The following EFCAB11 variants were observed in gnomAD, a reference collection of about 807,000 sequenced individuals.
EFCAB11 encodes the protein EF-hand calcium-binding domain-containing protein 11.
A neutral mutation model predicts 23.0 loss-of-function variants in EFCAB11; 14 were observed. The ratio of observed to expected loss-of-function variants is 0.61; its 90% CI spans 0.40 to 0.95. The LOEUF (loss-of-function observed/expected upper bound fraction) is 0.95. Among genes scored for constraint, EFCAB11 ranks in the 40% least tolerant of loss-of-function variants. EFCAB11 has a pLI of 0.00. For missense variants in EFCAB11, 198 were observed against 195.8 expected, an observed-to-expected ratio of 1.01 and a Z score of -0.07; for synonymous variants, 65 against 66.6, an observed-to-expected ratio of 0.98 and a Z score of 0.11.
At chr14:89,853,420 T>C (rs189706232) in intron 5 of EFCAB11, among the ~76,000 whole-genome samples, 2 of 152,368 alleles carry the variant, frequency 1.3e-5, no homozygotes, top group African/African-American at 2.4e-5. Flanking sequence ...GCTATGCATG[T>C]AACTTGCATT....
chr14:89,869,713 C>A lies in EFCAB11; in HGVS notation c.410+61828G>T, dbSNP rs531219439. On this transcript the variant is annotated intron_variant, in intron 5 of 5. Coordinates refer to ENST00000316738, the MANE Select transcript of EFCAB11 (RefSeq NM_145231.4). ...GGGTTGCTGTGAAGAGTAAATAAAG[C>A]AAAGCACAGAAAGCATTTGGTCTAC... Among the ~76,000 whole-genome samples, 10 of 152,290 alleles carry A rather than the reference C, an allele frequency of 6.6e-5. No homozygotes were observed. The South Asian group carries it at 1.2e-3, about 19-fold the overall frequency.
intron 5 of EFCAB11, among the ~76,000 whole-genome samples, chr14:89,902,694 A>G (rs1207377430): frequency 6.6e-6 from 1 of 152,212 alleles, no homozygotes; most frequent in Admixed American, 6.5e-5. Context: ...GATATTAGAG[A>G]GAGTTGATAC....
intron 5 of EFCAB11, among the ~76,000 whole-genome samples, chr14:89,876,270 AGAG>A (rs1888435115): frequency 6.6e-6 from 1 of 152,172 alleles, no homozygotes; most frequent in South Asian, 2.1e-4. Context: ...AGGGAGAAAA[AGAG>A]GAGGAGGAGG....
intron 3 of EFCAB11, among the ~76,000 whole-genome samples, chr14:89,936,293 G>C (rs1890579817): frequency 6.6e-6 from 1 of 152,206 alleles, no homozygotes; most frequent in Admixed American, 6.5e-5. Context: ...AAGGACCTGA[G>C]TGGTGATATC....
At chr14:89,822,919 C>A (rs1886572433) in intron 5 of EFCAB11, among the ~76,000 whole-genome samples, 1 of 152,112 alleles carries the variant, frequency 6.6e-6, no homozygotes, top group Non-Finnish European at 1.5e-5. Context: ...TTAGAACCTG[C>A]CAGAATACAT....
chr14:89,798,596 A>G (rs759849866), intron 5 of EFCAB11, among the ~76,000 whole-genome samples: 9 of 152,222 alleles, frequency 5.9e-5, no homozygotes, highest in Non-Finnish European at 1.2e-4. Context: ...CTGAACTGGT[A>G]TGGTTGAACT....
intron 5 of EFCAB11, among the ~76,000 whole-genome samples, chr14:89,826,715 TC>T (rs1286061466): frequency 6.6e-6 from 1 of 151,962 alleles, no homozygotes; most frequent in South Asian, 2.1e-4. Context: ...ATTTTTTTTT[TC>T]CATAAGAATG....
At chr14:89,935,952 G>C (rs1890566363) in intron 3 of EFCAB11, among the ~76,000 whole-genome samples, 1 of 152,044 alleles carries the variant, frequency 6.6e-6, no homozygotes, top group African/African-American at 2.4e-5. Flanking sequence ...AGGTTGCGGT[G>C]AGCCGAGATC....
chr14:89,906,383 G>C (rs1889501256), intron 5 of EFCAB11, among the ~76,000 whole-genome samples: 1 of 151,884 alleles, frequency 6.6e-6, no homozygotes, highest in South Asian at 2.1e-4. Context: ...TATTCTAATG[G>C]CAGTCCTTGT....
At chr14:89,856,184 CTCTCTCTCTT>C (rs138328485) in intron 5 of EFCAB11, among the ~76,000 whole-genome samples, 3,146 of 104,452 alleles carry the variant, frequency 0.03, 95 homozygotes, top group African/African-American at 0.083. Flanking sequence ...TAATTTCTCT[CTCTCTCTCTT>C]TTTTTTTTTT....
intron 2 of EFCAB11, chr14:89,952,742 G>C: frequency 2.7e-6 from 1 of 364,038 alleles, no homozygotes; most frequent in South Asian, 1.1e-4. Context: ...CTTTCAATCT[G>C]ACAGAAAGGC....
intron 5 of EFCAB11, among the ~76,000 whole-genome samples, chr14:89,832,837 G>C (rs1386684404): frequency 6.6e-6 from 1 of 152,030 alleles, no homozygotes; most frequent in Non-Finnish European, 1.5e-5. Flanking sequence ...TCTACTCAAC[G>C]CCTATCTCTT....
intron 5 of EFCAB11, among the ~76,000 whole-genome samples, chr14:89,894,260 T>G (rs1468426363): frequency 1.3e-5 from 2 of 152,282 alleles, no homozygotes; most frequent in East Asian, 3.9e-4. Context: ...TTGATTTTTT[T>G]TTTTTTAATT....
chr14:89,925,192 T>C (rs1385224440), intron 5 of EFCAB11, among the ~76,000 whole-genome samples: 1 of 152,086 alleles, frequency 6.6e-6, no homozygotes, highest in African/African-American at 2.4e-5. Context: ...TAAATGCACA[T>C]CACATAATCA....
chr14:89,890,558 A>T lies in EFCAB11; in HGVS notation c.410+40983T>A, dbSNP rs564153531. 2.1e-3 allele frequency among the ~76,000 whole-genome samples: 317 copies of T among 152,364 alleles called. 1 individual carries two copies. The highest frequency in any genetic ancestry group is 7.2e-3 in the African/African-American group (301 of 41,592). ...GAAGGAAAAGTTTGGGAGACAAAGT[A>T]TTTAAGAATTCACATGAGTTTCTGT... On this transcript the variant is annotated intron_variant, in intron 5 of 5. Coordinates refer to ENST00000316738, the MANE Select transcript of EFCAB11 (RefSeq NM_145231.4).
chr14:89,854,876 C>T (rs991802219), intron 5 of EFCAB11, among the ~76,000 whole-genome samples: 1 of 152,134 alleles, frequency 6.6e-6, no homozygotes, highest in African/African-American at 2.4e-5. Flanking sequence ...ACTACTTTAG[C>T]TTAGGGCCTA....
At chr14:89,932,490 A>ATT (rs3833988) in intron 4 of EFCAB11, 36 bp downstream of exon 4, 22 of 1,547,862 alleles carry the variant, frequency 1.4e-5, no homozygotes, top group Middle Eastern at 1.7e-4. Context: ...CTTAAAAGTA[A>ATT]TTTTTTTTAC....
At chr14:89,877,574 A>G (rs562613464) in intron 5 of EFCAB11, among the ~76,000 whole-genome samples, 9 of 152,268 alleles carry the variant, frequency 5.9e-5, no homozygotes, top group East Asian at 5.8e-4. Context: ...GCATCTTGCA[A>G]TTGTTGGTAT....
At chr14:89,838,128 G>C (rs989014909) in intron 5 of EFCAB11, among the ~76,000 whole-genome samples, 3 of 152,082 alleles carry the variant, frequency 2.0e-5, no homozygotes, top group Non-Finnish European at 4.4e-5. Context: ...CTTAATTAAA[G>C]AAAATTACAA....
Sources: gnomAD v4.1 joint callset for allele counts (sites outside exome capture counted in the v4.1 genomes callset) on GRCh38, gnomAD v4.1.1 for gene constraint, MANE v1.5 for transcripts, NCBI Gene and HGNC (gene_info 2026-07-23, HGNC 2026-07-21) for gene names.